KANSL1: variants seen among roughly 807,000 people sequenced by gnomAD.
KANSL1 encodes the protein KAT8 regulatory NSL complex subunit 1.
In KANSL1, 22 loss-of-function variants were observed where a neutral mutation model predicts 103.6. The ratio of observed to expected loss-of-function variants is 0.21; its 90% CI spans 0.15 to 0.30. The LOEUF (loss-of-function observed/expected upper bound fraction) is 0.30. Ranked by LOEUF, KANSL1 falls within the 10% of genes least tolerant of loss-of-function variation. The pLI, the probability that KANSL1 is intolerant of heterozygous loss-of-function variation, is 1.00. For synonymous variants in KANSL1, 600 were observed against 527.6 expected, an observed-to-expected ratio of 1.14 and a Z score of -1.88; for missense variants, 1,337 against 1,399.8, an observed-to-expected ratio of 0.96 and a Z score of 0.72.
In KANSL1 at chr17:46,096,717, T is replaced by C. The variant is rs548583674; in HGVS notation, c.1290-2016A>G. Among the ~76,000 whole-genome samples the C allele has an allele frequency of 4.8e-3, 723 of 150,716 alleles. 4 individuals are homozygous for C. Among genetic ancestry groups the C allele is most frequent in the Non-Finnish European group, 7.3e-3 (493 of 67,482 alleles). ...CACTGCAAGCTCCGCCTCCCGGGTT[T>C]ACGCCATTCTCCTGCCTCAGCCTCC... On this transcript the variant is annotated intron_variant, in intron 2 of 14. Coordinates refer to ENST00000432791, the MANE Select transcript of KANSL1 (RefSeq NM_015443.4).
intron 1 of KANSL1, among the ~76,000 whole-genome samples, chr17:46,179,158 T>G (rs907025942): frequency 1.3e-5 from 2 of 152,202 alleles, no homozygotes; most frequent in Non-Finnish European, 2.9e-5. Flanking sequence ...TCCAGACATG[T>G]CAAATATGGG....
chr17:46,148,137 G>C lies in KANSL1; in HGVS notation c.1289+22718C>G, dbSNP rs557122646. On this transcript the variant is annotated intron_variant, in intron 2 of 14. Transcript: ENST00000432791. ...CACTAAATAATAATTAGCTACTATGGTGGAAATTTTATTTCTATTTAACAC... is the reference window on the plus strand; with the variant it reads ...CACTAAATAATAATTAGCTACTATGCTGGAAATTTTATTTCTATTTAACAC... 5.3e-5 allele frequency: 8 copies of C among 152,288 alleles called. No individual in the cohort carries two copies. The East Asian group carries it at 1.5e-3, about 29-fold the overall frequency. The allele number at this position is 152,288 out of a possible 1,614,324, so 9.4% of individuals were successfully genotyped here.
At chr17:46,189,133 A>G (rs2047184832) in intron 1 of KANSL1, among the ~76,000 whole-genome samples, 1 of 148,650 alleles carries the variant, frequency 6.7e-6, no homozygotes, top group South Asian at 2.2e-4. Context: ...AGATCACTTG[A>G]GCCCCGGAGT....
chr17:46,165,109 A>C lies in KANSL1; in HGVS notation c.1289+5746T>G, dbSNP rs577909168. On this transcript the variant is annotated intron_variant, in intron 2 of 14. Coordinates refer to ENST00000432791, the MANE Select transcript of KANSL1 (RefSeq NM_015443.4). ...GTGACAGAACAAGACTCTCTCTCAA[A>C]TATATACATACATACAAACATACAT... is the stretch of plus-strand genomic sequence containing the variant. 2.6e-5 allele frequency among the ~76,000 whole-genome samples: 4 copies of C among 152,372 alleles called. No homozygotes were observed. In the South Asian group the frequency reaches 8.3e-4, roughly 32 times the overall value.
At chr17:46,093,208 C>T (rs1376570750) in intron 3 of KANSL1, 1 of 152,224 alleles carries the variant, frequency 6.6e-6, no homozygotes, top group African/African-American at 2.4e-5. Flanking sequence ...TCAGTACAGG[C>T]ATATCCAGTC....
At chr17:46,191,967 T>C (rs930180810) in intron 1 of KANSL1, among the ~76,000 whole-genome samples, 1 of 116,898 alleles carries the variant, frequency 8.6e-6, no homozygotes, top group African/African-American at 3.4e-5. Flanking sequence ...TATTAATAAG[T>C]CACAGAAAAT....
At chr17:46,094,288 G>A in intron 3 of KANSL1, 1 of 420,530 alleles carries the variant, frequency 2.4e-6, no homozygotes, top group South Asian at 3.2e-5. Flanking sequence ...GTAAAGACAA[G>A]GTCTCACTAT....
At chr17:46,065,136 CTTTT>C (rs369694354) in intron 6 of KANSL1, among the ~76,000 whole-genome samples, 1 of 143,026 alleles carries the variant, frequency 7.0e-6, no homozygotes, top group Non-Finnish European at 1.5e-5. Flanking sequence ...CCACAGCAGG[CTTTT>C]TTTTTTTTTA....
chr17:46,200,775 G>T (rs183836789), intron 1 of KANSL1, among the ~76,000 whole-genome samples: 1 of 151,892 alleles, frequency 6.6e-6, no homozygotes, highest in Non-Finnish European at 1.5e-5. Flanking sequence ...TTCTTTTTAC[G>T]TCAGTTGCTG....
At chr17:46,082,341 T>C in intron 4 of KANSL1, 100 bp downstream of exon 4, 2 of 687,570 alleles carry the variant, frequency 2.9e-6, no homozygotes, top group Non-Finnish European at 5.1e-6. Flanking sequence ...GTTCCCCTTC[T>C]TCAGCCAATG....
chr17:46,192,186 A>G (rs1281129341), intron 1 of KANSL1, among the ~76,000 whole-genome samples: 2 of 152,242 alleles, frequency 1.3e-5, no homozygotes, highest in South Asian at 2.1e-4. Context: ...AGCGCTGTTT[A>G]TCGTATGGAA....
intron 2 of KANSL1, among the ~76,000 whole-genome samples, chr17:46,125,187 A>T (rs922604157): frequency 3.9e-5 from 6 of 152,204 alleles, no homozygotes; most frequent in Admixed American, 3.9e-4. Context: ...GCAGCCATCA[A>T]CATGGAGATA....
chr17:46,152,418 A>G (rs1051523723), intron 2 of KANSL1, among the ~76,000 whole-genome samples: 2 of 152,266 alleles, frequency 1.3e-5, no homozygotes, highest in Non-Finnish European at 2.9e-5. Context: ...CTTTTTGAAG[A>G]CGAATCAGCT....
chr17:46,063,062 A>G (rs577521984), intron 6 of KANSL1, among the ~76,000 whole-genome samples: 19 of 152,334 alleles, frequency 1.2e-4, no homozygotes, highest in African/African-American at 4.1e-4. Flanking sequence ...AGAAAAAACA[A>G]AACAAAACAA....
intron 2 of KANSL1, among the ~76,000 whole-genome samples, chr17:46,123,914 A>G (rs1385766582): frequency 6.6e-6 from 1 of 152,252 alleles, no homozygotes; most frequent in Non-Finnish European, 1.5e-5. Context: ...ACAGCATTCT[A>G]TTGGAAGACA....
chr17:46,076,250 T>C (rs1292714401), intron 4 of KANSL1, among the ~76,000 whole-genome samples: 2 of 151,940 alleles, frequency 1.3e-5, no homozygotes, highest in Admixed American at 6.6e-5. Context: ...ATCCCAGCAC[T>C]TTGGGAGGCC....
chr17:46,147,907 T>C (rs2044819938), intron 2 of KANSL1, among the ~76,000 whole-genome samples: 1 of 152,206 alleles, frequency 6.6e-6, no homozygotes, highest in Non-Finnish European at 1.5e-5. Flanking sequence ...TGTTGATGAA[T>C]ATAAAATTTA....
intron 4 of KANSL1, among the ~76,000 whole-genome samples, chr17:46,080,437 G>C (rs996385083): frequency 1.3e-5 from 2 of 151,288 alleles, no homozygotes; most frequent in Non-Finnish European, 2.9e-5. Context: ...CTCTGTCCCG[G>C]GCAACCTAAT....
intron 1 of KANSL1, among the ~76,000 whole-genome samples, chr17:46,218,737 C>A (rs4344791): frequency 0.15 from 21,894 of 150,656 alleles, 1,795 homozygotes; most frequent in East Asian, 0.46. Context: ...GAGCCGAGAT[C>A]GTGCCACTGA....
Sources: gnomAD v4.1 joint callset for allele counts (sites outside exome capture counted in the v4.1 genomes callset) on GRCh38, gnomAD v4.1.1 for gene constraint, MANE v1.5 for transcripts, NCBI Gene and HGNC (gene_info 2026-07-23, HGNC 2026-07-21) for gene names.